Variants in TUBGCP4 observed in about 807,000 individuals in gnomAD.
TUBGCP4 encodes the protein tubulin gamma complex component 4.
TUBGCP4 carries 54 observed loss-of-function variants against 91.6 expected under a neutral mutation model. The ratio of observed to expected loss-of-function variants is 0.59; its 90% CI spans 0.47 to 0.74. The LOEUF (loss-of-function observed/expected upper bound fraction) is 0.74. Ranked by LOEUF, TUBGCP4 falls within the 30% of genes least tolerant of loss-of-function variation. The pLI, the probability that TUBGCP4 is intolerant of heterozygous loss-of-function variation, is 0.00. For synonymous variants in TUBGCP4, 297 were observed against 302.8 expected (o/e 0.98, Z 0.20); for missense variants, 593 against 800.9 (o/e 0.74, Z 3.13).
intron 6 of TUBGCP4, among the ~76,000 whole-genome samples, chr15:43,382,987 T>C (rs2044306652): frequency 6.6e-6 from 1 of 152,182 alleles, no homozygotes. Flanking sequence ...TTTTTTATTA[T>C]TTTTATTTTT....
chr15:43,398,007 T>TC, intron 12 of TUBGCP4, 34 bp from the exon 13 acceptor site: 1 of 1,588,574 alleles, frequency 6.3e-7, no homozygotes, highest in Non-Finnish European at 8.5e-7. Context: ...CAAGTTGTTA[T>TC]CTTTTCTTTT....
In TUBGCP4 at chr15:43,405,344, T is replaced by C; in HGVS notation, c.*130T>C. On this transcript the variant is annotated 3_prime_UTR_variant, in exon 18 of 18. Transcript: ENST00000564079. ...AGTGATAGGACTCTACCTTTTCTCC[T>C]AGAAGCAGTTACTGAACATCCAGGA... is the stretch of plus-strand genomic sequence containing the variant. 2 of 1,027,746 alleles carry C rather than the reference T, an allele frequency of 1.9e-6. No individual in the cohort carries two copies. The highest frequency in any genetic ancestry group is 2.9e-6 in the Non-Finnish European group (2 of 678,854). 63.7% of individuals were successfully genotyped at this position (1,027,746 alleles called of 1,614,324 possible).
In TUBGCP4 at chr15:43,401,704, A is replaced by C. The variant is rs1169674912; in HGVS notation, c.1597-12A>C. On this transcript the variant is annotated splice_polypyrimidine_tract_variant and intron_variant, in intron 14 of 17. Transcript: ENST00000564079. ...TATGCAAAGTGCTAAAATTTTTTGT[A>C]ATGTCTATCAGGTAGATGTGTTGGA... is the stretch of plus-strand genomic sequence containing the variant. The C allele has an allele frequency of 6.2e-7, 1 of 1,612,028 alleles. No individual in the cohort carries two copies. Among genetic ancestry groups the C allele is most frequent in the African/African-American group, 1.3e-5 (1 of 74,822 alleles).
intron 11 of TUBGCP4, among the ~76,000 whole-genome samples, chr15:43,396,786 A>G (rs1233736649): frequency 2.0e-5 from 3 of 152,168 alleles, no homozygotes; most frequent in Non-Finnish European, 4.4e-5. Context: ...AGCCAAGTTT[A>G]CATCCTACTA....
In TUBGCP4 at chr15:43,407,952, G is replaced by A; in HGVS notation, c.*2738G>A. On this transcript the variant is annotated 3_prime_UTR_variant, in exon 18 of 18. Coordinates refer to ENST00000564079, the MANE Select transcript of TUBGCP4 (RefSeq NM_014444.5). ...ACACTCTTTCAGGTACCTTTGTTAT[G>A]GGCACTTGAATGGTGCTGCTTCACA... 6.2e-7 allele frequency: 1 copy of A among 1,612,502 alleles called. No individual in the cohort carries two copies. Among genetic ancestry groups the A allele is most frequent in the South Asian group, 1.1e-5 (1 of 90,990 alleles).
chr15:43,393,347 TTA>T (rs2142848169), intron 9 of TUBGCP4, among the ~76,000 whole-genome samples: 1 of 151,992 alleles, frequency 6.6e-6, no homozygotes, highest in East Asian at 1.9e-4. Flanking sequence ...GCAGCTGGGA[TTA>T]CAGGCACCCG....
intron 9 of TUBGCP4, among the ~76,000 whole-genome samples, chr15:43,390,196 T>A (rs2044443550): frequency 6.6e-6 from 1 of 152,136 alleles, no homozygotes; most frequent in Non-Finnish European, 1.5e-5. Context: ...TTAGGTTTTG[T>A]TCTTTTTCTA....
chr15:43,387,006 C>T (rs1232270207), intron 9 of TUBGCP4, among the ~76,000 whole-genome samples: 2 of 152,100 alleles, frequency 1.3e-5, no homozygotes, highest in African/African-American at 4.8e-5. Context: ...CTGTCTCTAT[C>T]GTTTGCAATA....
chr15:43,391,682 C>T (rs776501840), intron 9 of TUBGCP4: 3 of 152,418 alleles, frequency 2.0e-5, no homozygotes, highest in South Asian at 2.1e-4. Context: ...GCCCCAGCCT[C>T]CCAAGTAACT....
intron 9 of TUBGCP4, among the ~76,000 whole-genome samples, chr15:43,388,267 G>A (rs2044413251): frequency 6.6e-6 from 1 of 152,188 alleles, no homozygotes; most frequent in Non-Finnish European, 1.5e-5. Flanking sequence ...ACTGCTAAGA[G>A]CATCAAATCT....
Position 43,371,440 on chromosome 15 carries a change from C to G in TUBGCP4, c.78+8C>G. On this transcript the variant is annotated splice_region_variant and intron_variant, in intron 1 of 17. Coordinates refer to ENST00000564079, the MANE Select transcript of TUBGCP4 (RefSeq NM_014444.5). ...AAGCGGAGTGGCCTGCAGGTACTGTCCGGCGCAGAGCGCGGGAACCAGGGA... is the reference window on the plus strand; with the variant it reads ...AAGCGGAGTGGCCTGCAGGTACTGTGCGGCGCAGAGCGCGGGAACCAGGGA... The G allele has an allele frequency of 6.2e-7, 1 of 1,613,916 alleles. No individual in the cohort carries two copies. Among genetic ancestry groups the G allele is most frequent in the Non-Finnish European group, 8.5e-7 (1 of 1,179,946 alleles).
chr15:43,405,333 A>C lies in TUBGCP4; in HGVS notation c.*119A>C. On this transcript the variant is annotated 3_prime_UTR_variant, in exon 18 of 18. Transcript: ENST00000564079. Reference sequence around the variant, plus strand: ...ATCTGCGGCTTAGTGATAGGACTCTACCTTTTCTCCTAGAAGCAGTTACTG... The same window carrying C: ...ATCTGCGGCTTAGTGATAGGACTCTCCCTTTTCTCCTAGAAGCAGTTACTG... 2 of 1,160,896 alleles carry C rather than the reference A, an allele frequency of 1.7e-6. No individual in the cohort carries two copies. Among genetic ancestry groups the C allele is most frequent in the Non-Finnish European group, 2.5e-6 (2 of 789,462 alleles). The allele number at this position is 1,160,896 out of a possible 1,614,324, so 71.9% of individuals were successfully genotyped here.
chr15:43,379,424 G>A (rs1016898190), intron 5 of TUBGCP4, among the ~76,000 whole-genome samples: 1 of 152,108 alleles, frequency 6.6e-6, no homozygotes, highest in South Asian at 2.1e-4. Flanking sequence ...GGCGGACCAC[G>A]AGGTCAGGAG....
intron 9 of TUBGCP4, among the ~76,000 whole-genome samples, chr15:43,393,448 A>G (rs1352642664): frequency 6.7e-6 from 1 of 150,240 alleles, no homozygotes; most frequent in South Asian, 2.1e-4. Flanking sequence ...TTTTTTTTTA[A>G]TTTTATTATT....
chr15:43,382,241 A>T (rs1407736851), intron 6 of TUBGCP4, among the ~76,000 whole-genome samples: 1 of 88,550 alleles, frequency 1.1e-5, no homozygotes, highest in Admixed American at 1.0e-4. Flanking sequence ...AAAAAAGAAA[A>T]ATAAAAGAAA....
chr15:43,403,307 T>A, intron 15 of TUBGCP4: 1 of 168,072 alleles, frequency 5.9e-6, no homozygotes, highest in Admixed American at 6.2e-5. Context: ...GGGAAGGGAG[T>A]GCTTCACTGA....
intron 9 of TUBGCP4, among the ~76,000 whole-genome samples, chr15:43,389,089 G>A (rs947826480): frequency 2.0e-5 from 3 of 152,164 alleles, no homozygotes; most frequent in African/African-American, 7.2e-5. Context: ...TGATCTGGGT[G>A]CTGGTAATAC....
chr15:43,395,553 C>A (rs1220826650), intron 10 of TUBGCP4, 30 bp from the exon 11 acceptor site: 2 of 1,555,398 alleles, frequency 1.3e-6, no homozygotes, highest in Non-Finnish European at 1.8e-6. Flanking sequence ...CCTTGCTTTA[C>A]TGAATTGTAA....
chr15:43,402,049 G>A, intron 15 of TUBGCP4, 199 bp downstream of exon 15: 2 of 524,956 alleles, frequency 3.8e-6, no homozygotes, highest in Non-Finnish European at 6.4e-6. Context: ...GAGGTGGGCG[G>A]ATCACAAGGT....
Sources: allele counts gnomAD v4.1 joint callset (sites outside exome capture counted in the v4.1 genomes callset), GRCh38; gene constraint gnomAD v4.1.1; transcripts MANE v1.5; gene names NCBI Gene and HGNC (gene_info 2026-07-23, HGNC 2026-07-21).